NFILZ: variants seen among roughly 807,000 people sequenced by gnomAD.
NFILZ encodes NFIL3 like basic leucine zipper.
intron 3 of NFILZ, among the ~76,000 whole-genome samples, chr19:8,670,992 C>CAAA (rs35392454): frequency 6.0e-5 from 7 of 117,624 alleles, no homozygotes; most frequent in East Asian, 2.3e-4. Context: ...GAGACTGTCT[C>CAAA]AAAAAAAAAA....
chr19:8,665,312 T>C (rs1453866490), intron 3 of NFILZ, among the ~76,000 whole-genome samples: 5 of 152,024 alleles, frequency 3.3e-5, no homozygotes, highest in African/African-American at 9.7e-5. Flanking sequence ...AGAAACATTA[T>C]GTGGAGGTGA....
intron 3 of NFILZ, among the ~76,000 whole-genome samples, chr19:8,644,719 G>T (rs1302578458): frequency 1.3e-5 from 2 of 151,468 alleles, no homozygotes; most frequent in African/African-American, 4.9e-5. Context: ...TTCTGCCTCG[G>T]CCTCCTAAAG....
intron 3 of NFILZ, among the ~76,000 whole-genome samples, chr19:8,663,754 G>GTGTGTGTGTGTGTGTATGTGTGTATGTA (rs2043047836): frequency 8.5e-6 from 1 of 117,540 alleles, no homozygotes; most frequent in Non-Finnish European, 1.6e-5. Flanking sequence ...GTGTGTGTGT[G>GTGTGTGTGTGTGTGTATGTGTGTATGTA]TGTGTGTGTG....
At chr19:8,633,548 A>G (rs1026142247) in intron 2 of NFILZ, among the ~76,000 whole-genome samples, 3 of 152,160 alleles carry the variant, frequency 2.0e-5, no homozygotes, top group Admixed American at 2.0e-4. Flanking sequence ...ACCCTTGCCT[A>G]GGCTCTGAGG....
intron 3 of NFILZ, among the ~76,000 whole-genome samples, chr19:8,647,795 G>GCGCACACACACA (rs1189605746): frequency 2.6e-5 from 2 of 76,332 alleles, no homozygotes; most frequent in East Asian, 4.5e-4. Context: ...GCGCGCGCGC[G>GCGCACACACACA]CACACACACA....
In NFILZ at chr19:8,679,681, C is replaced by G. The variant is rs2043136549; in HGVS notation, c.*2046C>G. On this transcript the variant is annotated 3_prime_UTR_variant, in exon 6 of 6. Coordinates refer to ENST00000691075, the MANE Select transcript of NFILZ (RefSeq NM_001378600.1). ...TACTTGCTCAGCCTTTGGTTCTGGTCCAGGGCAGGGATTGGGCAAGATCAG... is the reference window on the plus strand; with the variant it reads ...TACTTGCTCAGCCTTTGGTTCTGGTGCAGGGCAGGGATTGGGCAAGATCAG... 6.6e-6 allele frequency among the ~76,000 whole-genome samples: 1 copy of G among 152,096 alleles called. No homozygotes were observed. Among genetic ancestry groups the G allele is most frequent in the South Asian group, 2.1e-4 (1 of 4,816 alleles).
At chr19:8,663,187 G>A (rs2043039975) in intron 3 of NFILZ, among the ~76,000 whole-genome samples, 1 of 151,154 alleles carries the variant, frequency 6.6e-6, no homozygotes, top group Non-Finnish European at 1.5e-5. Context: ...TTGAACTCCT[G>A]GCCCTAAGTG....
intron 3 of NFILZ, among the ~76,000 whole-genome samples, chr19:8,651,603 C>T (rs563824594): frequency 6.6e-6 from 1 of 152,198 alleles, no homozygotes; most frequent in African/African-American, 2.4e-5. Flanking sequence ...GAGATCACAG[C>T]TCATTCCAGC....
chr19:8,649,431 A>G (rs888221672), intron 3 of NFILZ, among the ~76,000 whole-genome samples: 14 of 150,808 alleles, frequency 9.3e-5, no homozygotes, highest in Admixed American at 7.9e-4. Flanking sequence ...ACGCCTAGCT[A>G]ATTTTTTGTA....
intron 2 of NFILZ, among the ~76,000 whole-genome samples, chr19:8,633,112 C>T (rs540302336): frequency 2.7e-4 from 41 of 149,634 alleles, no homozygotes; most frequent in Non-Finnish European, 4.6e-4. Context: ...CCTCTGCCTC[C>T]TGGGTTCAAG....
At chr19:8,674,493 C>G (rs1245605489) in intron 3 of NFILZ, among the ~76,000 whole-genome samples, 58 bp from the exon 4 acceptor site, 1 of 147,180 alleles carries the variant, frequency 6.8e-6, no homozygotes, top group Non-Finnish European at 1.5e-5. Flanking sequence ...ATTTCTTGGG[C>G]AAATAAATTT....
chr19:8,647,607 A>T (rs1026987084), intron 3 of NFILZ, among the ~76,000 whole-genome samples: 1 of 145,990 alleles, frequency 6.8e-6, no homozygotes. Context: ...GAACGAGATC[A>T]TGTCCTTTGC....
chr19:8,662,928 C>T (rs1360043120), intron 3 of NFILZ, among the ~76,000 whole-genome samples: 12 of 151,040 alleles, frequency 7.9e-5, no homozygotes, highest in African/African-American at 2.9e-4. Flanking sequence ...CGTGCCTGGC[C>T]TAAATTTTTC....
rs1555751024 is a variant in NFILZ, at chr19:8,678,184, T to TCCATCCGTCCAC, written c.*560_*561insCCCATCCGTCCA. ...ATCCATCCATCCATCCATCCATCCA[T>TCCATCCGTCCAC]CCATCCGTCCATCTATCCATCCATC... On this transcript the variant is annotated 3_prime_UTR_variant, in exon 6 of 6. Coordinates refer to ENST00000691075, the MANE Select transcript of NFILZ (RefSeq NM_001378600.1). 1.5e-3 allele frequency among the ~76,000 whole-genome samples: 75 copies of TCCATCCGTCCAC among 49,416 alleles called. No individual in the cohort carries two copies. The highest frequency in any genetic ancestry group is 4.1e-3 in the African/African-American group (50 of 12,222). 32.4% of individuals were successfully genotyped at this position (49,416 alleles called of 152,430 possible).
chr19:8,667,320 C>T (rs1294949466), intron 3 of NFILZ, among the ~76,000 whole-genome samples: 1 of 152,148 alleles, frequency 6.6e-6, no homozygotes, highest in Non-Finnish European at 1.5e-5. Flanking sequence ...ACTAAAACCC[C>T]ATATGACCTT....
chr19:8,639,168 A>G (rs536317052), intron 3 of NFILZ, among the ~76,000 whole-genome samples: 14 of 152,184 alleles, frequency 9.2e-5, no homozygotes, highest in Admixed American at 4.6e-4. Flanking sequence ...AGGAACAGTG[A>G]GGAGGTCCAT....
At chr19:8,662,767 G>C (rs1755718558) in intron 3 of NFILZ, among the ~76,000 whole-genome samples, 1 of 151,504 alleles carries the variant, frequency 6.6e-6, no homozygotes, top group Non-Finnish European at 1.5e-5. Context: ...CTCCTGAGTA[G>C]CTGGGATTAC....
intron 3 of NFILZ, among the ~76,000 whole-genome samples, chr19:8,646,283 C>T (rs2042938919): frequency 6.6e-6 from 1 of 152,110 alleles, no homozygotes; most frequent in African/African-American, 2.4e-5. Flanking sequence ...GTGATCTGCC[C>T]ACCTCGGCCT....
intron 4 of NFILZ, among the ~76,000 whole-genome samples, chr19:8,674,851 T>C (rs1347874364): frequency 6.6e-6 from 1 of 152,074 alleles, no homozygotes; most frequent in African/African-American, 2.4e-5. Flanking sequence ...AAGACTAAAT[T>C]AGAATGTTGG....
Sources: allele counts gnomAD v4.1 joint callset (sites outside exome capture counted in the v4.1 genomes callset), GRCh38; gene constraint gnomAD v4.1.1; transcripts MANE v1.5; gene names NCBI Gene and HGNC (gene_info 2026-07-23, HGNC 2026-07-21).